ROBO2: variants seen among roughly 807,000 people sequenced by gnomAD.
The protein encoded by ROBO2 is roundabout guidance receptor 2, also known as roundabout homolog 2.
ROBO2 carries 53 observed loss-of-function variants against 160.8 expected under a neutral mutation model. That is an observed-to-expected ratio of 0.33 (90% CI 0.26 to 0.41). ROBO2 has a LOEUF of 0.41. Among genes scored for constraint, ROBO2 ranks in the 10% least tolerant of loss-of-function variants. The pLI is 1.00. For missense variants in ROBO2, 1,577 were observed against 1,722.4 expected, an observed-to-expected ratio of 0.92 and a Z score of 1.49; for synonymous variants, 664 against 611.7, an observed-to-expected ratio of 1.09 and a Z score of -1.26.
chr3:77,599,934 C>T (rs1285837451), intron 19 of ROBO2, among the ~76,000 whole-genome samples: 1 of 152,046 alleles, frequency 6.6e-6, no homozygotes, highest in Admixed American at 6.6e-5. Context: ...GTCATTTGTA[C>T]AGATAATTAT....
At chr3:77,494,900 T>C (rs2086595481) in intron 5 of ROBO2, among the ~76,000 whole-genome samples, 1 of 152,234 alleles carries the variant, frequency 6.6e-6, no homozygotes, top group Non-Finnish European at 1.5e-5. Flanking sequence ...TCAGTTAGTT[T>C]TTCAGCCTAT....
chr3:77,307,535 G>C (rs1304071033), intron 2 of ROBO2, among the ~76,000 whole-genome samples: 4 of 152,082 alleles, frequency 2.6e-5, no homozygotes, highest in African/African-American at 9.7e-5. Flanking sequence ...CCCATTGCTG[G>C]CTTCTTCACG....
intron 2 of ROBO2, among the ~76,000 whole-genome samples, chr3:77,345,047 A>G (rs2067481896): frequency 6.6e-6 from 1 of 152,130 alleles, no homozygotes. Flanking sequence ...TGGGTCAATA[A>G]TTTGTGGTTT....
chr3:76,466,819 C>T (rs1260311100), intron 2 of ROBO2, among the ~76,000 whole-genome samples: 1 of 151,930 alleles, frequency 6.6e-6, no homozygotes, highest in Non-Finnish European at 1.5e-5. Context: ...CTCATTGCTC[C>T]ATCAGCCACT....
At chr3:77,111,940 G>A (rs59690379) in intron 2 of ROBO2, among the ~76,000 whole-genome samples, 8 of 151,974 alleles carry the variant, frequency 5.3e-5, no homozygotes, top group Non-Finnish European at 1.2e-4. Flanking sequence ...AGCTGGGCGC[G>A]GTGGCTCACG....
At chr3:75,981,327 C>G (rs533870607) in intron 2 of ROBO2, among the ~76,000 whole-genome samples, 10 of 151,438 alleles carry the variant, frequency 6.6e-5, no homozygotes, top group Non-Finnish European at 1.0e-4. Flanking sequence ...AAGGACTTAT[C>G]TATCTCCTAT....
At chr3:76,724,486 AC>A (rs1252648038) in intron 2 of ROBO2, among the ~76,000 whole-genome samples, 2 of 152,214 alleles carry the variant, frequency 1.3e-5, no homozygotes, top group Non-Finnish European at 2.9e-5. Context: ...TACACTGCTT[AC>A]CAGCTAGTCA....
At chr3:76,764,056 A>G (rs2061449462) in intron 2 of ROBO2, among the ~76,000 whole-genome samples, 1 of 151,752 alleles carries the variant, frequency 6.6e-6, no homozygotes, top group Non-Finnish European at 1.5e-5. Context: ...CTTTATCTAG[A>G]AAACTCTCAC....
intron 2 of ROBO2, among the ~76,000 whole-genome samples, chr3:76,637,197 C>G (rs2090390309): frequency 6.6e-6 from 1 of 152,056 alleles, no homozygotes; most frequent in Non-Finnish European, 1.5e-5. Context: ...CAGGGAGAAG[C>G]CCTGTGTGTC....
At chr3:76,492,345 G>T (rs766301511) in intron 2 of ROBO2, among the ~76,000 whole-genome samples, 5 of 152,012 alleles carry the variant, frequency 3.3e-5, no homozygotes, top group South Asian at 4.1e-4. Context: ...TTAAAGATAC[G>T]AGACATGACC....
At chr3:77,350,055 T>A (rs113835448) in intron 2 of ROBO2, among the ~76,000 whole-genome samples, 4 of 148,856 alleles carry the variant, frequency 2.7e-5, no homozygotes, top group African/African-American at 9.9e-5. Context: ...GTCCCTGCGA[T>A]TGGTACATTA....
Position 77,506,469 on chromosome 3 carries a change from C to T in ROBO2, c.806+13087C>T, listed in dbSNP as rs575587259. 1.4e-4 allele frequency among the ~76,000 whole-genome samples: 21 copies of T among 152,192 alleles called. 1 individual carries two copies. The South Asian group carries it at 4.3e-3, about 32-fold the overall frequency. On this transcript the variant is annotated intron_variant, in intron 5 of 25. Coordinates refer to ENST00000461745, the Ensembl canonical transcript of ROBO2. ...CCAGTCCTATGACTGTCACATGGTG[C>T]TCACGAGTTAGTCCTTTAGTGCAGT...
intron 2 of ROBO2, among the ~76,000 whole-genome samples, chr3:76,824,338 C>T (rs2109193506): frequency 6.6e-6 from 1 of 152,300 alleles, no homozygotes; most frequent in East Asian, 1.9e-4. Context: ...CTCAAGTGAT[C>T]CACCCACCTC....
chr3:76,389,370 A>T (rs561426398), intron 2 of ROBO2, among the ~76,000 whole-genome samples: 1 of 152,344 alleles, frequency 6.6e-6, no homozygotes, highest in East Asian at 1.9e-4. Flanking sequence ...AGACTATGTT[A>T]AGAAAATATG....
chr3:76,587,288 G>A (rs1314384431), intron 2 of ROBO2, among the ~76,000 whole-genome samples: 5 of 151,862 alleles, frequency 3.3e-5, no homozygotes, highest in Non-Finnish European at 7.4e-5. Flanking sequence ...CAATTTACCG[G>A]TGTATCTATA....
intron 2 of ROBO2, among the ~76,000 whole-genome samples, chr3:76,708,482 T>A (rs2093217952): frequency 6.6e-6 from 1 of 152,150 alleles, no homozygotes; most frequent in Admixed American, 6.6e-5. Context: ...TCTACTTGAA[T>A]CATCTGAATT....
intron 2 of ROBO2, among the ~76,000 whole-genome samples, chr3:76,857,745 C>A (rs751928953): frequency 1.3e-5 from 2 of 152,158 alleles, no homozygotes; most frequent in Non-Finnish European, 2.9e-5. Context: ...CTCATATGAT[C>A]ATGCAACTCA....
chr3:77,553,402 A>G (rs984716897), intron 8 of ROBO2, among the ~76,000 whole-genome samples: 7 of 151,920 alleles, frequency 4.6e-5, no homozygotes, highest in East Asian at 1.9e-4. Flanking sequence ...TAGGCCAGTC[A>G]GTATCTCTAC....
At chr3:76,946,833 C>T (rs978013634) in intron 2 of ROBO2, among the ~76,000 whole-genome samples, 1 of 152,224 alleles carries the variant, frequency 6.6e-6, no homozygotes, top group Admixed American at 6.5e-5. Flanking sequence ...ACCTGGATTA[C>T]CCTGGATGTT....
Sources: gnomAD v4.1 joint callset for allele counts (sites outside exome capture counted in the v4.1 genomes callset) on GRCh38, gnomAD v4.1.1 for gene constraint, MANE v1.5 for transcripts, NCBI Gene and HGNC (gene_info 2026-07-23, HGNC 2026-07-21) for gene names.